BCL2L14: variants seen among roughly 807,000 people sequenced by gnomAD.
BCL2L14 encodes the protein BCL2 like 14.
Under a neutral mutation model 35.3 loss-of-function variants are expected in BCL2L14, and 27 were observed. The observed-to-expected ratio is 0.76, with a 90% CI of 0.56 to 1.05. BCL2L14 has a LOEUF of 1.05. BCL2L14 is among the 50% of genes least tolerant of loss of function. The pLI is 0.00. For missense variants in BCL2L14, 377 were observed against 382.6 expected (o/e 0.99, Z 0.12); for synonymous variants, 139 against 145.9 (o/e 0.95, Z 0.34).
intron 5 of BCL2L14, among the ~76,000 whole-genome samples, chr12:12,096,817 T>G (rs1374569454): frequency 6.6e-6 from 1 of 152,256 alleles, no homozygotes; most frequent in Non-Finnish European, 1.5e-5. Context: ...GGAAAACCAC[T>G]TGGGAGTTCC....
At chr12:12,050,296 G>A (rs1053459182) in intron 1 of BCL2L14, among the ~76,000 whole-genome samples, 1 of 152,048 alleles carries the variant, frequency 6.6e-6, no homozygotes, top group African/African-American at 2.4e-5. Flanking sequence ...AGCTGGGCGT[G>A]GTGGCGGGCG....
At chr12:12,051,664 A>T (rs770540971) in intron 1 of BCL2L14, 1 of 152,202 alleles carries the variant, frequency 6.6e-6, no homozygotes, top group Admixed American at 6.5e-5. Flanking sequence ...TCTCTCTTCT[A>T]AGATAAATAG....
At chr12:12,081,456 C>CA (rs531114346) in intron 2 of BCL2L14, among the ~76,000 whole-genome samples, 9,807 of 93,530 alleles carry the variant, frequency 0.1, 432 homozygotes, top group East Asian at 0.14. Context: ...ACTCTGTCTC[C>CA]AAAAAAAAAA....
intron 1 of BCL2L14, 68 bp downstream of exon 1, chr12:12,071,205 T>C (rs1254943035): frequency 6.6e-6 from 1 of 152,192 alleles, no homozygotes; most frequent in African/African-American, 2.4e-5. Context: ...TCTTTAGCTG[T>C]TTGCCAAATG....
At chr12:12,073,239 C>T (rs1391963759) in intron 1 of BCL2L14, among the ~76,000 whole-genome samples, 1 of 152,162 alleles carries the variant, frequency 6.6e-6, no homozygotes, top group Admixed American at 6.5e-5. Flanking sequence ...TCTTTTGCTC[C>T]CTGCTCTCCA....
intron 1 of BCL2L14, 123 bp from the exon 2 acceptor site, chr12:12,079,176 C>T: frequency 1.2e-6 from 1 of 825,800 alleles, no homozygotes. Context: ...CCTCTCTACC[C>T]TCCAGCACAA....
chr12:12,059,860 A>G (rs1464189977), intron 2 of BCL2L14, among the ~76,000 whole-genome samples: 2 of 152,100 alleles, frequency 1.3e-5, no homozygotes, highest in African/African-American at 4.8e-5. Context: ...TTTCCATCCT[A>G]CAAGATCTAA....
At chr12:12,087,434 G>T in intron 3 of BCL2L14, 48 bp downstream of exon 3, 1 of 1,590,260 alleles carries the variant, frequency 6.3e-7, no homozygotes, top group Non-Finnish European at 8.6e-7. Context: ...AGGGGCGCAG[G>T]AGCATTTGTG....
intron 3 of BCL2L14, among the ~76,000 whole-genome samples, chr12:12,089,327 C>T (rs144191453): frequency 0.012 from 1,793 of 151,218 alleles, 42 homozygotes; most frequent in African/African-American, 0.041. Context: ...CAAGATTACG[C>T]CATTGCACTC....
At chr12:12,075,942 T>C (rs1948771499) in intron 1 of BCL2L14, among the ~76,000 whole-genome samples, 1 of 151,808 alleles carries the variant, frequency 6.6e-6, no homozygotes, top group Non-Finnish European at 1.5e-5. Context: ...CAGATTCGGA[T>C]CCAATGTTTT....
chr12:12,060,102 C>T (rs963125803), intron 2 of BCL2L14, among the ~76,000 whole-genome samples: 3 of 151,478 alleles, frequency 2.0e-5, no homozygotes, highest in African/African-American at 4.9e-5. Context: ...CGAGCTAGGT[C>T]GCAATTCTTC....
chr12:12,086,543 C>T (rs1450875752), intron 2 of BCL2L14, among the ~76,000 whole-genome samples: 2 of 150,502 alleles, frequency 1.3e-5, no homozygotes, highest in African/African-American at 4.9e-5. Flanking sequence ...TATGCAAATA[C>T]ATGACGTAAC....
intron 4 of BCL2L14, 107 bp downstream of exon 4, chr12:12,090,956 G>T (rs1949176886): frequency 4.2e-6 from 3 of 721,890 alleles, no homozygotes; most frequent in Non-Finnish European, 6.3e-6. Flanking sequence ...CTAAGTCCTG[G>T]TTTCTACTTA....
chr12:12,089,218 A>G (rs1038157369), intron 3 of BCL2L14, among the ~76,000 whole-genome samples: 1 of 151,788 alleles, frequency 6.6e-6, no homozygotes, highest in Middle Eastern at 3.2e-3. Context: ...AATACAAAAA[A>G]ATTAGCCAGG....
At chr12:12,055,915 A>G (rs1055707142) in intron 2 of BCL2L14, 1 of 152,206 alleles carries the variant, frequency 6.6e-6, no homozygotes, top group Non-Finnish European at 1.5e-5. Flanking sequence ...TCTGAGCCCA[A>G]TCAGGCCCCA....
upstream of BCL2L14, among the ~76,000 whole-genome samples, chr12:12,067,032 G>C (rs1025119734): frequency 6.6e-6 from 1 of 151,764 alleles, no homozygotes; most frequent in Non-Finnish European, 1.5e-5. Flanking sequence ...TTTAAAAATA[G>C]TTGGCTGGCT....
chr12:12,081,376 G>C (rs1948920128), intron 2 of BCL2L14, among the ~76,000 whole-genome samples: 1 of 151,072 alleles, frequency 6.6e-6, no homozygotes, highest in Admixed American at 6.6e-5. Flanking sequence ...GATCACTTGA[G>C]CTCAGGAGGT....
At chr12:12,084,073 G>C (rs1948986970) in intron 2 of BCL2L14, among the ~76,000 whole-genome samples, 1 of 152,192 alleles carries the variant, frequency 6.6e-6, no homozygotes, top group Non-Finnish European at 1.5e-5. Context: ...GGAAGCAAAG[G>C]AAGGGCAAAG....
chr12:12,089,478 T>C (rs1252993875), intron 3 of BCL2L14, among the ~76,000 whole-genome samples: 1 of 150,782 alleles, frequency 6.6e-6, no homozygotes, highest in Non-Finnish European at 1.5e-5. Context: ...GACGGATCTC[T>C]TGAGGCCAGA....
Sources: gnomAD v4.1 joint callset for allele counts (sites outside exome capture counted in the v4.1 genomes callset) on GRCh38, gnomAD v4.1.1 for gene constraint, MANE v1.5 for transcripts, NCBI Gene and HGNC (gene_info 2026-07-23, HGNC 2026-07-21) for gene names.